Variants in FAT1 observed in about 807,000 individuals in gnomAD.
FAT1 encodes protocadherin Fat 1.
Under a neutral mutation model 329.8 loss-of-function variants are expected in FAT1, and 171 were observed. The ratio of observed to expected loss-of-function variants is 0.52; its 90% CI spans 0.46 to 0.59. FAT1 has a LOEUF of 0.59. Among genes scored for constraint, FAT1 ranks in the 20% least tolerant of loss-of-function variants. The pLI is 0.00. For synonymous variants in FAT1, 2,233 were observed against 2,228.6 expected, an observed-to-expected ratio of 1.00 and a Z score of -0.06; for missense variants, 5,672 against 5,774.4, an observed-to-expected ratio of 0.98 and a Z score of 0.57.
At chr4:186,674,807 G>A (rs1742878056) in intron 2 of FAT1, among the ~76,000 whole-genome samples, 1 of 152,182 alleles carries the variant, frequency 6.6e-6, no homozygotes, top group Admixed American at 6.5e-5. Context: ...GCTGAGGTGG[G>A]TGGATCACTT....
chr4:186,645,364 T>TAC (rs1741303467), intron 3 of FAT1, among the ~76,000 whole-genome samples: 1 of 79,882 alleles, frequency 1.3e-5, no homozygotes, highest in East Asian at 3.9e-4. Context: ...GATACTTCAT[T>TAC]ACATATATAT....
In FAT1 at chr4:186,644,645, T is replaced by C. The variant is rs545922798; in HGVS notation, c.3581-4862A>G. On this transcript the variant is annotated intron_variant, in intron 3 of 26. Transcript: ENST00000441802. The stretch of plus-strand genomic sequence containing the variant: ...ACTTAGACATTTAGAGATGAGTTCA[T>C]TTAGAACAGAGAGAATGTCAGATCA... Among the ~76,000 whole-genome samples the C allele has an allele frequency of 1.4e-3, 212 of 150,622 alleles. 1 individual carries two copies. Among genetic ancestry groups the C allele is most frequent in the African/African-American group, 5.0e-3 (205 of 40,882 alleles).
At chr4:186,685,884 G>A (rs1004036904) in intron 2 of FAT1, among the ~76,000 whole-genome samples, 2 of 152,270 alleles carry the variant, frequency 1.3e-5, no homozygotes, top group Non-Finnish European at 2.9e-5. Context: ...TAAGCACACC[G>A]GTTGTGAGAA....
chr4:186,671,821 G>A (rs1268993649), intron 2 of FAT1, among the ~76,000 whole-genome samples: 3 of 152,156 alleles, frequency 2.0e-5, no homozygotes, highest in African/African-American at 7.2e-5. Flanking sequence ...TGTGTGGTGT[G>A]TGTGTGTGTA....
At position 186,707,406 on chromosome 4, in the gene FAT1, G is replaced by A. The variant is rs760488335; in HGVS notation, c.2422C>T (p.Leu808=). The A allele has an allele frequency of 6.2e-7, 1 of 1,614,014 alleles. No individual in the cohort carries two copies. Among genetic ancestry groups the A allele is most frequent in the Non-Finnish European group, 8.5e-7 (1 of 1,179,900 alleles). ...TTGGCATCGACAACCACGACATGTAGAAGACGCCACGCAGCCTTCTGGGGT... is the reference window on the plus strand; with the variant it reads ...TTGGCATCGACAACCACGACATGTAAAAGACGCCACGCAGCCTTCTGGGGT... ...GIPQKAAWRL[L]HVVVVDANDN... is the part of the protein sequence containing the mutation. The change falls in exon 2 of 27, where the codon CTA becomes TTA. Residue 808 remains leucine, a synonymous_variant. Coordinates refer to ENST00000441802, the MANE Select transcript of FAT1 (RefSeq NM_005245.4).
At chr4:186,675,527 G>C (rs547573560) in intron 2 of FAT1, among the ~76,000 whole-genome samples, 1 of 152,216 alleles carries the variant, frequency 6.6e-6, no homozygotes, top group African/African-American at 2.4e-5. Flanking sequence ...TGCACTCTGG[G>C]AGGCTGACGT....
chr4:186,620,011 G>C lies in FAT1; in HGVS notation c.6575C>G (p.Ala2192Gly), dbSNP rs1739951645. ...AGGGCTGTGCACCTGGATGCTCTCT[G>C]CAATCTCTGCACTGTAGAAAGGTTT... ...FEKPFYSAEIAESIQVHSPVV... is the reference protein window; with the variant it reads ...FEKPFYSAEIGESIQVHSPVV... Residue 2192 changes from alanine (A) to glycine (G), a missense_variant, in exon 10 of 27, where the codon GCA becomes GGA. This residue lies in a region of FAT1 where 3,966 missense variants were observed against 3,915.2 expected (regional missense o/e 1.01). Transcript: ENST00000441802. 1 of 1,613,886 alleles carries C rather than the reference G, an allele frequency of 6.2e-7. No individual in the cohort carries two copies. Among genetic ancestry groups the C allele is most frequent in the African/African-American group, 1.3e-5 (1 of 74,920 alleles).
At chr4:186,623,368 C>CATCA (rs1740142877) in intron 9 of FAT1, among the ~76,000 whole-genome samples, 1 of 152,244 alleles carries the variant, frequency 6.6e-6, no homozygotes, top group African/African-American at 2.4e-5. Context: ...CCCACCTGTA[C>CATCA]ATCACCCTCA....
In FAT1 at chr4:186,628,680, T is replaced by A. The variant is rs1360828052; in HGVS notation, c.4407A>T (p.Thr1469=). The change falls in exon 8 of 27, where the codon ACA becomes ACT. Residue 1469 remains threonine (T), a synonymous_variant. Transcript: ENST00000441802. The part of the protein sequence containing the change: ...SKYEVVIPED[T]APETEILQIS... The stretch of plus-strand genomic sequence containing the variant: ...TTTGCAAAATTTCTGTTTCTGGCGC[T>A]GTATCTTCAGGAATAACAACTTCAT... The A allele has an allele frequency of 1.2e-6, 2 of 1,614,036 alleles. No homozygotes were observed. Among genetic ancestry groups the A allele is most frequent in the Admixed American group, 3.3e-5 (2 of 60,032 alleles).
Position 186,588,471 on chromosome 4 carries a change from CGCA to C in FAT1, c.*118_*120del. 8.3e-7 allele frequency: 1 copy of C among 1,206,298 alleles called. No homozygotes were observed. The highest frequency in any genetic ancestry group is 2.5e-5 in the East Asian group (1 of 39,808). The allele number at this position is 1,206,298 out of a possible 1,614,324, so 74.7% of individuals were successfully genotyped here. On this transcript the variant is annotated 3_prime_UTR_variant, in exon 27 of 27. Transcript: ENST00000441802. ...GCACGTCCAGAGGCGCAGGATCCAGCGCAGCCATGCCCATTCGGCTCACCAAAA... is the reference window on the plus strand; with the variant it reads ...GCACGTCCAGAGGCGCAGGATCCAGCGCCATGCCCATTCGGCTCACCAAAA...
At chr4:186,681,715 T>C (rs765146374) in intron 2 of FAT1, among the ~76,000 whole-genome samples, 16 of 152,198 alleles carry the variant, frequency 1.1e-4, no homozygotes, top group Non-Finnish European at 1.5e-4. Flanking sequence ...TATGCATCAA[T>C]ACCGCTGAAG....
chr4:186,593,758 C>A (rs1003690938), intron 26 of FAT1, among the ~76,000 whole-genome samples: 6 of 152,150 alleles, frequency 3.9e-5, no homozygotes, highest in African/African-American at 1.4e-4. Context: ...GAAGGCAATG[C>A]AGCCCTACTG....
intron 14 of FAT1, 134 bp downstream of exon 14, chr4:186,611,252 A>C: frequency 1.4e-6 from 1 of 724,746 alleles, no homozygotes; most frequent in Non-Finnish European, 2.2e-6. Flanking sequence ...TAAATAACTA[A>C]AAGAAAACTT....
rs1744754976 is a variant in FAT1, at chr4:186,708,358, A to G, written c.1470T>C (p.Pro490=). Residue 490 remains proline, a synonymous_variant, in exon 2 of 27, where the codon CCT becomes CCC. Transcript: ENST00000441802. ...TCACGTACCCGTTCTCACCCTCATC[A>G]GGGTCTACGGCACTCAGGCTCATGA... ...TTVMSLSAVD[P]DEGENGYVTY... 6.2e-7 allele frequency: 1 copy of G among 1,613,882 alleles called. No individual in the cohort carries two copies. Among genetic ancestry groups the G allele is most frequent in the Non-Finnish European group, 8.5e-7 (1 of 1,179,842 alleles).
At position 186,618,456 on chromosome 4, in the gene FAT1, A is replaced by G; in HGVS notation, c.8130T>C (p.Phe2710=). ...CAATAGGCACGTCCTCTGACACTGT[A>G]AAGGTATAGAAAGGTTCTGAAAATT... ...LPKFSEPFYT[F]TVSEDVPIGT... The change falls in exon 10 of 27, where the codon TTT becomes TTC. Residue 2710 remains phenylalanine (F), a synonymous_variant. Coordinates refer to ENST00000441802, the MANE Select transcript of FAT1 (RefSeq NM_005245.4). The G allele has an allele frequency of 6.2e-7, 1 of 1,614,036 alleles. No homozygotes were observed.
chr4:186,724,349 A>G (rs949631119), upstream of FAT1, among the ~76,000 whole-genome samples: 6 of 152,032 alleles, frequency 3.9e-5, no homozygotes, highest in Non-Finnish European at 7.4e-5. The surrounding 1 kb of genome is among the most constrained non-coding windows in gnomAD (Gnocchi z 5.3). Context: ...CAGGTCTCCA[A>G]AGGAATGCAG....
intron 13 of FAT1, 80 bp downstream of exon 13, chr4:186,613,029 T>C (rs768912283): frequency 5.6e-6 from 5 of 900,022 alleles, no homozygotes; most frequent in Non-Finnish European, 8.8e-6. Context: ...TGGCACAGGC[T>C]GAATCTGGGG....
At chr4:186,630,172 G>A (rs1024746658) in intron 7 of FAT1, among the ~76,000 whole-genome samples, 2 of 152,180 alleles carry the variant, frequency 1.3e-5, no homozygotes, top group Admixed American at 1.3e-4. Flanking sequence ...GCAATGTTCT[G>A]CACATGCACA....
intron 2 of FAT1, among the ~76,000 whole-genome samples, chr4:186,680,407 A>C (rs1743155438): frequency 6.6e-6 from 1 of 152,190 alleles, no homozygotes; most frequent in Non-Finnish European, 1.5e-5. Flanking sequence ...TGGTGACACC[A>C]CTGTGAAAAC....
Sources: gnomAD v4.1 joint callset for allele counts (sites outside exome capture counted in the v4.1 genomes callset) on GRCh38, gnomAD v4.1.1 for gene constraint, gnomAD v4.1.1 regional missense constraint, Gnocchi (gnomAD v3.1) non-coding constraint, MANE v1.5 for transcripts, NCBI Gene and HGNC (gene_info 2026-07-23, HGNC 2026-07-21) for gene names.